The following BAIAP2 variants were observed in gnomAD, a reference collection of about 807,000 sequenced individuals.
BAIAP2 encodes BAR/IMD domain containing adaptor protein 2.
In BAIAP2, 18 loss-of-function variants were observed where a neutral mutation model predicts 63.0. The ratio of observed to expected loss-of-function variants is 0.29; its 90% CI spans 0.20 to 0.42. The LOEUF is 0.42. Ranked by LOEUF, BAIAP2 falls within the 10% of genes least tolerant of loss-of-function variation. The pLI is 1.00. For synonymous variants in BAIAP2, 386 were observed against 307.6 expected, an observed-to-expected ratio of 1.25 and a Z score of -2.67; for missense variants, 610 against 734.3, an observed-to-expected ratio of 0.83 and a Z score of 1.96.
intron 3 of BAIAP2, among the ~76,000 whole-genome samples, chr17:81,069,404 CAG>C (rs1169553703): frequency 6.6e-6 from 1 of 152,060 alleles, no homozygotes; most frequent in African/African-American, 2.4e-5. Flanking sequence ...GGAGGGGTGA[CAG>C]GGAGAGTGGC....
chr17:81,108,438 G>A lies in BAIAP2; in HGVS notation c.1501-37G>A, dbSNP rs771591519. 4.6e-5 allele frequency: 74 copies of A among 1,612,886 alleles called. No individual in the cohort carries two copies. The Middle Eastern group carries it at 6.6e-4, about 14-fold the overall frequency. On this transcript the variant is annotated intron_variant, in intron 12 of 13. Coordinates refer to ENST00000428708, the MANE Select transcript of BAIAP2 (RefSeq NM_001144888.2). ...GCGGGTGGGGGTGACCACAGGCCCCGTCACCCGGCCTGACATGTTTCTGCC... is the reference window on the plus strand; with the variant it reads ...GCGGGTGGGGGTGACCACAGGCCCCATCACCCGGCCTGACATGTTTCTGCC...
intron 12 of BAIAP2, 165 bp from the exon 13 acceptor site, chr17:81,108,310 G>A: frequency 1.4e-6 from 1 of 691,394 alleles, no homozygotes; most frequent in East Asian, 2.7e-5. Context: ...CAGGGCTCCA[G>A]GCAGGTCTCT....
chr17:81,059,601 C>T (rs137955241), intron 3 of BAIAP2, among the ~76,000 whole-genome samples: 57 of 152,278 alleles, frequency 3.7e-4, no homozygotes, highest in African/African-American at 8.2e-4. Context: ...TGCGCCACCA[C>T]GCCCAGCTGA....
At chr17:81,108,421 G>A in intron 12 of BAIAP2, 54 bp from the exon 13 acceptor site, 4 of 1,601,620 alleles carry the variant, frequency 2.5e-6, no homozygotes, top group Non-Finnish European at 2.6e-6. Flanking sequence ...CAGCGGGTGG[G>A]GGTGACCACA....
chr17:81,082,699 G>A (rs1001520229), intron 3 of BAIAP2, among the ~76,000 whole-genome samples: 2 of 152,172 alleles, frequency 1.3e-5, no homozygotes, highest in Non-Finnish European at 2.9e-5. Flanking sequence ...CGGAGCGTTC[G>A]GCTTTGGGAA....
chr17:81,061,388 T>G (rs1371196307), intron 3 of BAIAP2, among the ~76,000 whole-genome samples: 1 of 152,172 alleles, frequency 6.6e-6, no homozygotes, highest in Non-Finnish European at 1.5e-5. Context: ...GTGGCCACAA[T>G]CACAATGGTG....
intron 5 of BAIAP2, among the ~76,000 whole-genome samples, 176 bp downstream of exon 5, chr17:81,085,901 A>G (rs1326805830): frequency 6.6e-6 from 1 of 152,188 alleles, no homozygotes; most frequent in Non-Finnish European, 1.5e-5. Flanking sequence ...GTGTGCCCCA[A>G]ATGCAACCTG....
intron 6 of BAIAP2, among the ~76,000 whole-genome samples, chr17:81,096,283 G>A (rs576795672): frequency 2.4e-4 from 36 of 152,288 alleles, no homozygotes; most frequent in African/African-American, 8.4e-4. Flanking sequence ...TTTCCGGGCC[G>A]GCCACCGCTG....
At position 81,051,972 on chromosome 17, in the gene BAIAP2, G is replaced by A. The variant is rs7215806; in HGVS notation, c.55-1696G>A. On this transcript the variant is annotated intron_variant, in intron 1 of 13. Transcript: ENST00000428708. ...CCCAAAATGCTGGGATTATACGTGC[G>A]AGCCACCGCATCTGACCCAGCGGAA... 3.6e-3 allele frequency among the ~76,000 whole-genome samples: 545 copies of A among 152,204 alleles called. 3 individuals carry two copies. The highest frequency in any genetic ancestry group is 3.8e-3 in the Non-Finnish European group (257 of 68,002).
At chr17:81,062,132 G>A (rs911041415) in intron 3 of BAIAP2, among the ~76,000 whole-genome samples, 1 of 152,104 alleles carries the variant, frequency 6.6e-6, no homozygotes, top group East Asian at 1.9e-4. Flanking sequence ...TATATTTTTA[G>A]TGGAGATGGG....
chr17:81,104,400 A>G, intron 9 of BAIAP2, 114 bp from the exon 10 acceptor site: 1 of 1,208,168 alleles, frequency 8.3e-7, no homozygotes, highest in Non-Finnish European at 1.2e-6. Flanking sequence ...TAGCCAGCCC[A>G]CTTACCCACC....
chr17:81,104,958 G>C (rs974350064), intron 10 of BAIAP2: 3 of 395,814 alleles, frequency 7.6e-6, no homozygotes, highest in Admixed American at 4.3e-5. Flanking sequence ...TCCCCTACAG[G>C]AGGGATCTCC....
chr17:81,100,072 C>T lies in BAIAP2; in HGVS notation c.634C>T (p.His212Tyr). 1.2e-6 allele frequency: 2 copies of T among 1,610,388 alleles called. No homozygotes were observed. Among genetic ancestry groups the T allele is most frequent in the South Asian group, 2.2e-5 (2 of 90,934 alleles). The change falls in exon 7 of 14, where the codon CAC (histidine) becomes TAC (tyrosine). Residue 212 changes from histidine (H) to tyrosine (Y), a missense_variant. Physicochemically the swap from His to Tyr is moderately conservative, Grantham distance 83 (BLOSUM62 2). Coordinates refer to ENST00000428708, the MANE Select transcript of BAIAP2 (RefSeq NM_001144888.2). The part of the protein sequence containing the change: ...CAVAKNSAAY[H>Y]SKGKELLAQK... The stretch of plus-strand genomic sequence containing the variant: ...CGTGGCCAAGAACTCCGCGGCCTAC[C>T]ACTCCAAGGTGAGGCGGCTGGGGGC...
intron 13 of BAIAP2, among the ~76,000 whole-genome samples, chr17:81,115,246 A>G (rs1052107875): frequency 7.9e-5 from 12 of 152,218 alleles, no homozygotes; most frequent in African/African-American, 2.9e-4. Flanking sequence ...TGCAGGGCCC[A>G]TGGGTGTCCA....
chr17:81,064,591 G>A (rs1005116468), intron 3 of BAIAP2, among the ~76,000 whole-genome samples: 7 of 131,546 alleles, frequency 5.3e-5, no homozygotes, highest in African/African-American at 2.0e-4. Context: ...AGGGGTGAAA[G>A]CCCAGAGAGT....
At chr17:81,077,456 T>A (rs900739545) in intron 3 of BAIAP2, among the ~76,000 whole-genome samples, 1 of 151,904 alleles carries the variant, frequency 6.6e-6, no homozygotes, top group African/African-American at 2.4e-5. Context: ...CAGTCCCAGC[T>A]ACTCGGGAGG....
rs558105720 is a variant in BAIAP2, at chr17:81,109,891, C to T, written c.1535+1382C>T. ...ACCTGGCTGCTCTGGGCAGGGTGTG[C>T]GGGCCGGGCCCGGCTGGGGGAGGGC... On this transcript the variant is annotated intron_variant, in intron 13 of 13. Transcript: ENST00000428708. 234 of 985,184 alleles carry T rather than the reference C, an allele frequency of 2.4e-4. No individual in the cohort carries two copies. In the African/African-American group the frequency reaches 3.5e-3, roughly 15 times the overall value. The allele number at this position is 985,184 out of a possible 1,614,324, so 61.0% of individuals were successfully genotyped here.
chr17:81,110,108 C>T (rs1441009674), intron 13 of BAIAP2: 2 of 985,322 alleles, frequency 2.0e-6, no homozygotes, highest in Non-Finnish European at 2.4e-6. Flanking sequence ...CACAGCCCGG[C>T]TCAGCCTGCC....
chr17:81,062,927 C>T (rs942938201), intron 3 of BAIAP2, among the ~76,000 whole-genome samples: 9 of 148,924 alleles, frequency 6.0e-5, no homozygotes, highest in East Asian at 3.9e-4. Context: ...CCCGCCCCCC[C>T]GCCGCCCCCA....
Sources: allele counts gnomAD v4.1 joint callset (sites outside exome capture counted in the v4.1 genomes callset), GRCh38; gene constraint gnomAD v4.1.1; transcripts MANE v1.5; gene names NCBI Gene and HGNC (gene_info 2026-07-23, HGNC 2026-07-21).